UNC5C: variants seen among roughly 807,000 people sequenced by gnomAD.
UNC5C encodes netrin receptor UNC5C.
In UNC5C, 47 loss-of-function variants were observed where a neutral mutation model predicts 99.8. The observed-to-expected ratio is 0.47, with a 90% confidence interval of 0.37 to 0.60. The LOEUF is 0.60. UNC5C is among the 20% of genes least tolerant of loss of function. The pLI is 0.00. For synonymous variants in UNC5C, 487 were observed against 452.2 expected (o/e 1.08, Z -0.98); for missense variants, 1,062 against 1,165.9 (o/e 0.91, Z 1.30).
chr4:95,461,230 T>C (rs1459652490), intron 1 of UNC5C, among the ~76,000 whole-genome samples: 4 of 152,220 alleles, frequency 2.6e-5, no homozygotes, highest in Admixed American at 2.6e-4. Flanking sequence ...AGGCATGCAA[T>C]GTATAATAAT....
chr4:95,439,393 T>TTTG (rs1553972861), intron 1 of UNC5C, among the ~76,000 whole-genome samples: 6 of 151,772 alleles, frequency 4.0e-5, no homozygotes, highest in African/African-American at 7.3e-5. Context: ...GTTTTTTTTT[T>TTTG]TTTGTTTCCT....
chr4:95,186,331 C>T (rs1374259353), intron 12 of UNC5C, among the ~76,000 whole-genome samples: 1 of 152,280 alleles, frequency 6.6e-6, no homozygotes, highest in South Asian at 2.1e-4. Flanking sequence ...CAGACTGTAA[C>T]ATGCATGGAT....
intron 7 of UNC5C, among the ~76,000 whole-genome samples, chr4:95,240,008 G>C (rs1739273059): frequency 6.6e-6 from 1 of 152,082 alleles, no homozygotes; most frequent in Non-Finnish European, 1.5e-5. Context: ...ATTTTGAATA[G>C]ATTCAGAGGT....
chr4:95,419,612 G>A (rs531248148), intron 1 of UNC5C, among the ~76,000 whole-genome samples: 5 of 152,232 alleles, frequency 3.3e-5, no homozygotes, highest in African/African-American at 1.2e-4. Context: ...CTCAATTAAA[G>A]TAAACATATA....
intron 1 of UNC5C, among the ~76,000 whole-genome samples, chr4:95,454,682 T>A (rs887822112): frequency 6.6e-6 from 1 of 152,016 alleles, no homozygotes; most frequent in Non-Finnish European, 1.5e-5. Flanking sequence ...AGGAGTACTA[T>A]AAAATTAGCT....
intron 2 of UNC5C, among the ~76,000 whole-genome samples, chr4:95,309,164 A>T (rs1742179480): frequency 6.6e-6 from 1 of 152,196 alleles, no homozygotes; most frequent in Admixed American, 6.5e-5. Context: ...CAGAGATGCC[A>T]AGAATACACA....
chr4:95,269,227 C>T (rs569542479), intron 4 of UNC5C, among the ~76,000 whole-genome samples: 1 of 152,274 alleles, frequency 6.6e-6, no homozygotes, highest in African/African-American at 2.4e-5. Flanking sequence ...TAGATTCTAA[C>T]AATTCCCAGG....
intron 9 of UNC5C, among the ~76,000 whole-genome samples, chr4:95,218,150 G>A (rs981060018): frequency 6.6e-6 from 1 of 152,014 alleles, no homozygotes; most frequent in African/African-American, 2.4e-5. Context: ...TACATTTTAG[G>A]TATTACTGTA....
At chr4:95,502,033 C>T (rs1450862031) in intron 1 of UNC5C, among the ~76,000 whole-genome samples, 1 of 152,054 alleles carries the variant, frequency 6.6e-6, no homozygotes, top group East Asian at 1.9e-4. Context: ...TGTTTTATTT[C>T]TTCTAAAAGT....
intron 1 of UNC5C, among the ~76,000 whole-genome samples, chr4:95,471,351 T>C (rs184232496): frequency 1.0e-3 from 155 of 152,244 alleles, no homozygotes; most frequent in African/African-American, 3.4e-3. Flanking sequence ...TTGAATGTAC[T>C]AGGAATAGAA....
chr4:95,250,776 G>A (rs528167549), intron 4 of UNC5C, 109 bp from the exon 5 acceptor site: 4 of 1,093,060 alleles, frequency 3.7e-6, no homozygotes, highest in East Asian at 2.4e-5. Flanking sequence ...GCCGAGAAGC[G>A]ATACCTGTGT....
chr4:95,466,391 C>A (rs547249976), intron 1 of UNC5C, among the ~76,000 whole-genome samples: 2 of 152,220 alleles, frequency 1.3e-5, no homozygotes, highest in African/African-American at 4.8e-5. Context: ...TACATATAAA[C>A]TTCACATACA....
intron 1 of UNC5C, among the ~76,000 whole-genome samples, chr4:95,409,812 C>A (rs1745929134): frequency 6.6e-6 from 1 of 152,134 alleles, no homozygotes; most frequent in African/African-American, 2.4e-5. Context: ...GTTTGAGGAT[C>A]TGCTCTGCTC....
intron 2 of UNC5C, among the ~76,000 whole-genome samples, chr4:95,327,955 T>C (rs939932338): frequency 2.0e-5 from 3 of 151,404 alleles, no homozygotes; most frequent in African/African-American, 7.3e-5. Context: ...TGTTAACATT[T>C]AAGCCATCCG....
intron 7 of UNC5C, among the ~76,000 whole-genome samples, chr4:95,238,795 T>C (rs1214691669): frequency 6.6e-6 from 1 of 152,190 alleles, no homozygotes; most frequent in Non-Finnish European, 1.5e-5. Context: ...AGTTTATAAA[T>C]TTTCTCTTCA....
intron 4 of UNC5C, among the ~76,000 whole-genome samples, chr4:95,274,703 G>A (rs1740791424): frequency 1.3e-5 from 2 of 152,024 alleles, no homozygotes; most frequent in African/African-American, 4.8e-5. Flanking sequence ...GAGTTGATAA[G>A]GACTGAATGA....
intron 4 of UNC5C, among the ~76,000 whole-genome samples, chr4:95,254,986 GTTGTTTT>G (rs1195837048): frequency 6.6e-6 from 1 of 150,532 alleles, no homozygotes; most frequent in African/African-American, 2.4e-5. Context: ...ACCACTGTGT[GTTGTTTT>G]TTGTTTTTTT....
intron 1 of UNC5C, among the ~76,000 whole-genome samples, chr4:95,545,431 T>C (rs1457032058): frequency 6.6e-6 from 1 of 152,204 alleles, no homozygotes. Context: ...AATGAAAAAG[T>C]ATACGATAGA....
At chr4:95,246,846 G>T (rs1021944322) in intron 5 of UNC5C, among the ~76,000 whole-genome samples, 56 of 152,076 alleles carry the variant, frequency 3.7e-4, no homozygotes, top group African/African-American at 1.3e-3. Context: ...GATTGCTTGA[G>T]TCTAGGAGTT....
Sources: gnomAD v4.1 joint callset for allele counts (sites outside exome capture counted in the v4.1 genomes callset) on GRCh38, gnomAD v4.1.1 for gene constraint, MANE v1.5 for transcripts, NCBI Gene and HGNC (gene_info 2026-07-23, HGNC 2026-07-21) for gene names.